KCNG3: variants seen among roughly 807,000 people sequenced by gnomAD.
KCNG3 encodes the protein potassium voltage-gated channel modifier subfamily G member 3, also known as voltage-gated potassium channel regulatory subunit KCNG3.
Under a neutral mutation model 29.0 loss-of-function variants are expected in KCNG3, and 15 were observed. The observed-to-expected ratio is 0.52, with a 90% CI of 0.35 to 0.80. The LOEUF (loss-of-function observed/expected upper bound fraction) is 0.80. KCNG3 is among the 30% of genes least tolerant of loss of function. KCNG3 has a pLI of 0.01. For missense variants in KCNG3, 512 were observed against 605.7 expected, an observed-to-expected ratio of 0.85 and a Z score of 1.62; for synonymous variants, 322 against 248.9, an observed-to-expected ratio of 1.29 and a Z score of -2.76.
At chr2:42,423,428 T>C in the KCNG3 span, among the ~76,000 whole-genome samples, 1 of 152,196 alleles carries the variant, frequency 6.6e-6, no homozygotes, top group Non-Finnish European at 1.5e-5. Context: ...CATGAGATTT[T>C]TCCTAATCTG....
the KCNG3 span, among the ~76,000 whole-genome samples, chr2:42,391,844 C>T: frequency 0.014 from 2,064 of 151,742 alleles, 37 homozygotes; most frequent in African/African-American, 0.047. Context: ...CCTCGTGATC[C>T]GCCCGCCTCG....
chr2:42,479,903 T>A (rs1673539773), intron 1 of KCNG3, among the ~76,000 whole-genome samples: 2 of 152,064 alleles, frequency 1.3e-5, no homozygotes, highest in South Asian at 4.1e-4. Flanking sequence ...CCCCACCTAC[T>A]CAGGAGGCTG....
At chr2:42,448,446 G>T (rs895586702) in intron 1 of KCNG3, among the ~76,000 whole-genome samples, 7 of 151,762 alleles carry the variant, frequency 4.6e-5, no homozygotes, top group African/African-American at 1.5e-4. Context: ...GGTTTGAAAT[G>T]GTGGCTTTTA....
downstream of KCNG3, among the ~76,000 whole-genome samples, chr2:42,441,563 C>T (rs1318516872): frequency 6.6e-6 from 1 of 151,824 alleles, no homozygotes; most frequent in Non-Finnish European, 1.5e-5. Context: ...AAATGGGTAG[C>T]TTAACTGCCA....
chr2:42,426,728 T>C, the KCNG3 span, among the ~76,000 whole-genome samples: 1 of 152,268 alleles, frequency 6.6e-6, no homozygotes, highest in Non-Finnish European at 1.5e-5. Flanking sequence ...AAAAGACATT[T>C]CATCTTCTTT....
chr2:42,469,174 T>C (rs1490872254), intron 1 of KCNG3, among the ~76,000 whole-genome samples: 2 of 151,920 alleles, frequency 1.3e-5, no homozygotes, highest in Non-Finnish European at 2.9e-5. Context: ...ATCCCAGCAC[T>C]TTGGGAGGCC....
intron 1 of KCNG3, among the ~76,000 whole-genome samples, chr2:42,471,012 C>T (rs371206682): frequency 6.6e-6 from 1 of 151,786 alleles, no homozygotes; most frequent in African/African-American, 2.4e-5. Context: ...ATTAGCCAGG[C>T]GTGGTGGTAA....
At chr2:42,478,651 G>A (rs1673502155) in intron 1 of KCNG3, among the ~76,000 whole-genome samples, 1 of 152,168 alleles carries the variant, frequency 6.6e-6, no homozygotes, top group African/African-American at 2.4e-5. Flanking sequence ...GCCCTTCTGG[G>A]ACACCCCAGG....
At chr2:42,437,893 G>A (rs535720793), downstream of KCNG3, among the ~76,000 whole-genome samples, 1 of 135,968 alleles carries the variant, frequency 7.4e-6, no homozygotes, top group South Asian at 2.3e-4. Flanking sequence ...AGCTGAGATT[G>A]TGCCATTGCA....
At chr2:42,490,695 G>A (rs1292072545) in intron 1 of KCNG3, among the ~76,000 whole-genome samples, 1 of 152,244 alleles carries the variant, frequency 6.6e-6, no homozygotes, top group Non-Finnish European at 1.5e-5. Flanking sequence ...CTATGATGGA[G>A]TAAGTCAAGA....
At chr2:42,471,804 AG>A (rs943418326) in intron 1 of KCNG3, among the ~76,000 whole-genome samples, 1 of 151,504 alleles carries the variant, frequency 6.6e-6, no homozygotes, top group Non-Finnish European at 1.5e-5. Context: ...GAACTGCTCT[AG>A]CCCAGGAGGT....
the KCNG3 span, among the ~76,000 whole-genome samples, chr2:42,399,457 T>C: frequency 6.6e-6 from 1 of 152,174 alleles, no homozygotes. Flanking sequence ...TCAATTCTAA[T>C]CTTCAGTCAG....
intron 1 of KCNG3, among the ~76,000 whole-genome samples, chr2:42,483,352 T>C (rs73930415): frequency 0.29 from 43,758 of 152,126 alleles, 6,950 homozygotes; most frequent in African/African-American, 0.41. Flanking sequence ...TTAACTCAGC[T>C]ATTTTCCACT....
At chr2:42,397,000 T>C in the KCNG3 span, among the ~76,000 whole-genome samples, 1 of 152,166 alleles carries the variant, frequency 6.6e-6, no homozygotes, top group Admixed American at 6.5e-5. Flanking sequence ...GGCTCACACC[T>C]GTAATCCCAG....
the KCNG3 span, among the ~76,000 whole-genome samples, chr2:42,389,137 C>G: frequency 6.6e-6 from 1 of 152,138 alleles, no homozygotes; most frequent in East Asian, 1.9e-4. Flanking sequence ...AGGCTGGTCT[C>G]AAACCCCTGA....
At chr2:42,488,738 C>G (rs1046477122) in intron 1 of KCNG3, among the ~76,000 whole-genome samples, 1 of 151,870 alleles carries the variant, frequency 6.6e-6, no homozygotes, top group Non-Finnish European at 1.5e-5. Context: ...TTAGTAGAGA[C>G]GGGGTTTCAC....
chr2:42,439,716 G>A (rs911566644), downstream of KCNG3, among the ~76,000 whole-genome samples: 15 of 150,702 alleles, frequency 1.0e-4, no homozygotes, highest in Non-Finnish European at 1.5e-4. Context: ...GCGCGATCTC[G>A]GCTCACTGCA....
chr2:42,409,058 C>A, the KCNG3 span, among the ~76,000 whole-genome samples: 1 of 152,148 alleles, frequency 6.6e-6, no homozygotes, highest in South Asian at 2.1e-4. Flanking sequence ...CAGCAGCCAG[C>A]ATGTCTGACT....
At chr2:42,460,442 A>G (rs1175778845) in intron 1 of KCNG3, among the ~76,000 whole-genome samples, 1 of 152,204 alleles carries the variant, frequency 6.6e-6, no homozygotes, top group Non-Finnish European at 1.5e-5. Context: ...AAAGTTTGCG[A>G]CCTAGCAAAG....
Sources: gnomAD v4.1 joint callset for allele counts (sites outside exome capture counted in the v4.1 genomes callset) on GRCh38, gnomAD v4.1.1 for gene constraint, MANE v1.5 for transcripts, NCBI Gene and HGNC (gene_info 2026-07-23, HGNC 2026-07-21) for gene names.